NR3C1: variants seen among roughly 807,000 people sequenced by gnomAD.
The protein encoded by NR3C1 is nuclear receptor subfamily 3 group C member 1.
NR3C1 carries 14 observed loss-of-function variants against 74.0 expected under a neutral mutation model. That is an observed-to-expected ratio of 0.19 (90% CI 0.12 to 0.30). The LOEUF (loss-of-function observed/expected upper bound fraction) is 0.30, where lower values mean the gene tolerates loss of function less well. NR3C1 is among the 10% of genes least tolerant of loss of function. NR3C1 has a pLI of 1.00. For missense variants in NR3C1, 695 were observed against 909.8 expected (o/e 0.76, Z 3.04); for synonymous variants, 308 against 332.5 (o/e 0.93, Z 0.80).
At chr5:143,291,861 C>CT (rs1301665322) in intron 7 of NR3C1, among the ~76,000 whole-genome samples, 4 of 152,168 alleles carry the variant, frequency 2.6e-5, no homozygotes, top group Non-Finnish European at 5.9e-5. Context: ...ATGTTGTCTA[C>CT]TTTTTTCCAT....
intron 2 of NR3C1, 116 bp from the exon 3 acceptor site, chr5:143,314,284 G>T: frequency 1.9e-6 from 2 of 1,032,168 alleles, no homozygotes; most frequent in Middle Eastern, 2.7e-4. Context: ...GGCTTCAAGT[G>T]CTAGCAGGCA....
chr5:143,334,426 T>C (rs1019564269), intron 2 of NR3C1, among the ~76,000 whole-genome samples: 3 of 152,184 alleles, frequency 2.0e-5, no homozygotes, highest in African/African-American at 7.2e-5. Context: ...CAAGCACCTC[T>C]CATCACAGTC....
intron 3 of NR3C1, among the ~76,000 whole-genome samples, chr5:143,310,854 C>T (rs1820778233): frequency 6.6e-6 from 1 of 152,050 alleles, no homozygotes; most frequent in Non-Finnish European, 1.5e-5. Context: ...GACAGGGTTT[C>T]ACCATGTTGG....
At chr5:143,427,937 T>C (rs1751619410) in intron 1 of NR3C1, among the ~76,000 whole-genome samples, 2 of 152,256 alleles carry the variant, frequency 1.3e-5, no homozygotes, top group African/African-American at 4.8e-5. Flanking sequence ...CACAATGTTA[T>C]TGTTAATAAA....
chr5:143,413,387 A>G (rs563961251), intron 1 of NR3C1, among the ~76,000 whole-genome samples: 7 of 152,112 alleles, frequency 4.6e-5, no homozygotes, highest in African/African-American at 1.4e-4. Flanking sequence ...AACATTCATT[A>G]GGTCATTTTT....
At chr5:143,356,002 TAG>T (rs1289314390) in intron 2 of NR3C1, among the ~76,000 whole-genome samples, 2 of 150,170 alleles carry the variant, frequency 1.3e-5, no homozygotes, top group African/African-American at 2.5e-5. Flanking sequence ...CCTAGAGACA[TAG>T]AGTGTCTTTT....
Position 143,323,054 on chromosome 5 carries a change from G to A in NR3C1, c.1185-8886C>T, listed in dbSNP as rs527816649. On this transcript the variant is annotated intron_variant, in intron 2 of 8. Transcript: ENST00000394464. The stretch of plus-strand genomic sequence containing the variant: ...GTCAACCACAGTTTGAAAACATTAA[G>A]TGGAAAATTCCAGAAATAATTAATA... Among the ~76,000 whole-genome samples, 4 of 152,322 alleles carry A rather than the reference G, an allele frequency of 2.6e-5. No homozygotes were observed. In the South Asian group the frequency reaches 8.3e-4, roughly 32 times the overall value.
chr5:143,322,798 T>C (rs1027566908), intron 2 of NR3C1, among the ~76,000 whole-genome samples: 1 of 152,206 alleles, frequency 6.6e-6, no homozygotes, highest in African/African-American at 2.4e-5. Flanking sequence ...GGCTTAATTC[T>C]TTAATTCTTA....
Position 143,371,162 on chromosome 5 carries a change from T to G in NR3C1, c.1184+28494A>C, listed in dbSNP as rs537637517. Among the ~76,000 whole-genome samples, 4 of 152,356 alleles carry G rather than the reference T, an allele frequency of 2.6e-5. No individual in the cohort carries two copies. In the East Asian group the frequency reaches 7.7e-4, roughly 29 times the overall value. ...TCCTTAAAAATAAAATGTTTGCTTT[T>G]GTCATTATATGTACATCTTCTATAA... On this transcript the variant is annotated intron_variant, in intron 2 of 8. Coordinates refer to ENST00000394464, the MANE Select transcript of NR3C1 (RefSeq NM_000176.3).
chr5:143,431,813 G>A (rs545307506), intron 1 of NR3C1, among the ~76,000 whole-genome samples: 9 of 152,194 alleles, frequency 5.9e-5, no homozygotes, highest in African/African-American at 2.2e-4. Flanking sequence ...GGTTGATTTG[G>A]AAGAATAATA....
intron 2 of NR3C1, among the ~76,000 whole-genome samples, chr5:143,341,235 G>A (rs1828162767): frequency 1.3e-5 from 2 of 152,184 alleles, no homozygotes; most frequent in Non-Finnish European, 1.5e-5. Context: ...CCAATTTAAA[G>A]GAAATTTCCA....
At chr5:143,359,042 A>G (rs558127633) in intron 2 of NR3C1, among the ~76,000 whole-genome samples, 1 of 152,368 alleles carries the variant, frequency 6.6e-6, no homozygotes, top group Non-Finnish European at 1.5e-5. Context: ...AGATCAATGA[A>G]GATGTTTTGA....
chr5:143,357,739 A>G (rs1475021989), intron 2 of NR3C1, among the ~76,000 whole-genome samples: 1 of 152,260 alleles, frequency 6.6e-6, no homozygotes, highest in East Asian at 1.9e-4. Context: ...AATTCTGTGC[A>G]AACATTTTAG....
intron 2 of NR3C1, among the ~76,000 whole-genome samples, chr5:143,377,887 T>C (rs1436718355): frequency 6.6e-6 from 1 of 152,212 alleles, no homozygotes; most frequent in Non-Finnish European, 1.5e-5. Context: ...AAAATATCCT[T>C]GGATCCCAAA....
chr5:143,425,548 A>G (rs2151961610), intron 1 of NR3C1, among the ~76,000 whole-genome samples: 1 of 152,286 alleles, frequency 6.6e-6, no homozygotes, highest in South Asian at 2.1e-4. Flanking sequence ...GACAACCAAC[A>G]TTTCAAAAAA....
At chr5:143,294,876 C>T (rs1816822563) in intron 7 of NR3C1, 1 of 953,372 alleles carries the variant, frequency 1.0e-6, no homozygotes, top group East Asian at 1.2e-4. Context: ...TAGTTTATCA[C>T]TTCACCTACT....
rs1453071839 is a variant in NR3C1 at position 143,280,956 on chromosome 5, C to CA, written c.*932dup. On this transcript the variant is annotated 3_prime_UTR_variant, in exon 9 of 9. Coordinates refer to ENST00000394464, the MANE Select transcript of NR3C1 (RefSeq NM_000176.3). ...CATTGCAAAAATAGGGCGTTAGGTA[C>CA]AGACAGGGCCTCTTGGTAGTTATTT... 1 of 152,126 alleles carries CA rather than the reference C, an allele frequency of 6.6e-6. No individual in the cohort carries two copies. Among genetic ancestry groups the CA allele is most frequent in the Non-Finnish European group, 1.5e-5 (1 of 68,022 alleles). The allele number at this position is 152,126 out of a possible 1,614,324, so 9.4% of individuals were successfully genotyped here.
intron 2 of NR3C1, among the ~76,000 whole-genome samples, chr5:143,353,148 C>T (rs1830507761): frequency 6.6e-6 from 1 of 152,186 alleles, no homozygotes; most frequent in Admixed American, 6.5e-5. Context: ...TAAGAAGCAA[C>T]TCCTCATCCA....
upstream of NR3C1, among the ~76,000 whole-genome samples, chr5:143,405,995 T>C (rs1232700757): frequency 6.6e-6 from 1 of 152,154 alleles, no homozygotes; most frequent in Middle Eastern, 3.2e-3. Flanking sequence ...GACCCAACCC[T>C]ACAATAATGT....
Sources: allele counts gnomAD v4.1 joint callset (sites outside exome capture counted in the v4.1 genomes callset), GRCh38; gene constraint gnomAD v4.1.1; transcripts MANE v1.5; gene names NCBI Gene and HGNC (gene_info 2026-07-23, HGNC 2026-07-21).